The following DDX50 variants were observed in gnomAD, a reference collection of about 807,000 sequenced individuals.
DDX50 encodes the protein ATP-dependent RNA helicase DDX50.
A neutral mutation model predicts 94.8 loss-of-function variants in DDX50; 56 were observed. The observed-to-expected ratio is 0.59, with a 90% CI of 0.48 to 0.74. DDX50 has a LOEUF of 0.74. Ranked by LOEUF, DDX50 falls within the 30% of genes least tolerant of loss-of-function variation. The probability of loss-of-function intolerance (pLI) is 0.00; values close to 1 mark genes in which losing one functional copy is unlikely to be tolerated. For missense variants in DDX50, 713 were observed against 881.2 expected (o/e 0.81, Z 2.42); for synonymous variants, 264 against 295.4 (o/e 0.89, Z 1.09).
chr10:68,931,118 T>A (rs1842251274), intron 8 of DDX50, among the ~76,000 whole-genome samples: 1 of 152,094 alleles, frequency 6.6e-6, no homozygotes, highest in South Asian at 2.1e-4. Flanking sequence ...ATTACATTCA[T>A]TGTCTAAATT....
chr10:68,941,267 G>C, intron 13 of DDX50, 73 bp downstream of exon 13: 1 of 1,569,416 alleles, frequency 6.4e-7, no homozygotes, highest in Non-Finnish European at 8.6e-7. Context: ...AGCAAATTTT[G>C]TTCTTTCTCT....
chr10:68,943,787 G>A (rs1842604073), intron 14 of DDX50, among the ~76,000 whole-genome samples: 2 of 151,644 alleles, frequency 1.3e-5, no homozygotes, highest in South Asian at 4.2e-4. Context: ...CTGTAGCACA[G>A]GTTGGTCTTG....
chr10:68,913,986 T>G, intron 6 of DDX50, 73 bp from the exon 7 acceptor site: 1 of 1,336,654 alleles, frequency 7.5e-7, no homozygotes, highest in Non-Finnish European at 1.0e-6. Flanking sequence ...TTTTGAAGCT[T>G]GGGAGGATTT....
At chr10:68,901,602 C>T (rs1223551084) in intron 1 of DDX50, 131 bp downstream of exon 1, 25 of 987,120 alleles carry the variant, frequency 2.5e-5, no homozygotes, top group Non-Finnish European at 3.7e-5. Context: ...GCGCCGCCCT[C>T]GGCCCTCTGG....
intron 2 of DDX50, among the ~76,000 whole-genome samples, chr10:68,908,637 C>CTTTTTTTT (rs1157178909): frequency 2.1e-5 from 2 of 95,732 alleles, no homozygotes; most frequent in Non-Finnish European, 4.1e-5. Context: ...TTAAAATTTC[C>CTTTTTTTT]TTTTTTTTTT....
chr10:68,944,798 G>A (rs922936581), intron 14 of DDX50, among the ~76,000 whole-genome samples: 1 of 152,096 alleles, frequency 6.6e-6, no homozygotes, highest in Non-Finnish European at 1.5e-5. Context: ...GCCCGCCTCG[G>A]CCTCCCAAAG....
At chr10:68,903,977 GAAA>G (rs755101958) in intron 1 of DDX50, among the ~76,000 whole-genome samples, 1 of 84,576 alleles carries the variant, frequency 1.2e-5, no homozygotes, top group Non-Finnish European at 2.3e-5. Context: ...CTCCGTCTCA[GAAA>G]AAAAAAAAAA....
At position 68,946,515 on chromosome 10, in the gene DDX50, G is replaced by A. The variant is rs192883627; in HGVS notation, c.2099G>A (p.Arg700Gln). The A allele has an allele frequency of 3.1e-6, 5 of 1,614,202 alleles. No individual in the cohort carries two copies. In the African/African-American group the frequency reaches 5.3e-5, roughly 17 times the overall value. ...SGRSGGRSGG[R>Q]SGRQSRQGSR... Reference sequence around the variant, plus strand: ...CGGTCAGGTGGTCGATCTGGCGGCCGGTCAGGTAGACAGAGTCGACAAGGA... The same window carrying A: ...CGGTCAGGTGGTCGATCTGGCGGCCAGTCAGGTAGACAGAGTCGACAAGGA... Residue 700 changes from arginine (R) to glutamine (Q), a missense_variant, in exon 15 of 15, where the codon CGG (arginine) becomes CAG (glutamine). This residue lies in a region of DDX50 where 428 missense variants were observed against 602.3 expected (regional missense o/e 0.71). Transcript: ENST00000373585.
intron 8 of DDX50, among the ~76,000 whole-genome samples, chr10:68,925,270 AT>A (rs78283932): frequency 1.1e-3 from 154 of 145,234 alleles, no homozygotes; most frequent in Admixed American, 1.4e-3. Context: ...TGCCCAACTA[AT>A]TTTTTTTTTT....
At chr10:68,940,881 C>G (rs954287649) in intron 12 of DDX50, among the ~76,000 whole-genome samples, 179 bp from the exon 13 acceptor site, 7 of 152,106 alleles carry the variant, frequency 4.6e-5, no homozygotes, top group Non-Finnish European at 1.0e-4. Context: ...ATAGTACTTT[C>G]AATTATCTAT....
intron 8 of DDX50, among the ~76,000 whole-genome samples, chr10:68,925,171 T>C (rs1253380856): frequency 6.8e-6 from 1 of 146,034 alleles, no homozygotes; most frequent in Admixed American, 7.1e-5. Flanking sequence ...TGGTGCGATC[T>C]TGGCTCACCA....
At chr10:68,926,014 CAA>C (rs138926781) in intron 8 of DDX50, among the ~76,000 whole-genome samples, 5 of 118,164 alleles carry the variant, frequency 4.2e-5, no homozygotes, top group African/African-American at 3.3e-5. Flanking sequence ...ACTCTGTCTC[CAA>C]AAAAAAAAAA....
intron 4 of DDX50, chr10:68,911,675 A>T (rs1188706520): frequency 6.6e-6 from 1 of 152,434 alleles, no homozygotes; most frequent in African/African-American, 2.4e-5. Context: ...TACGTCATGA[A>T]TTTTCATGTC....
intron 7 of DDX50, among the ~76,000 whole-genome samples, chr10:68,917,187 C>CAGATTAT (rs1841820334): frequency 6.6e-6 from 1 of 151,944 alleles, no homozygotes; most frequent in East Asian, 1.9e-4. Context: ...TGGCCAGGCG[C>CAGATTAT]AGTGGCTCAC....
chr10:68,919,993 T>C lies in DDX50; in HGVS notation c.1239+12T>C, dbSNP rs1179525943. The C allele has an allele frequency of 6.2e-7, 1 of 1,613,022 alleles. No homozygotes were observed. Among genetic ancestry groups the C allele is most frequent in the Non-Finnish European group, 8.5e-7 (1 of 1,179,728 alleles). ...CACACATAAAACAGGTAAGTCTTTT[T>C]TTCATGCTTTCTCTAATTGAAATTA... On this transcript the variant is annotated intron_variant, in intron 8 of 14. Coordinates refer to ENST00000373585, the MANE Select transcript of DDX50 (RefSeq NM_024045.2).
intron 8 of DDX50, among the ~76,000 whole-genome samples, chr10:68,925,095 G>GTT (rs1239190321): frequency 0.042 from 1,203 of 28,418 alleles, 41 homozygotes; most frequent in Middle Eastern, 0.12. Context: ...CCTGCTCATG[G>GTT]TTTTTTTTTT....
At position 68,910,401 on chromosome 10, in the gene DDX50, G is replaced by T. The variant is rs780421609; in HGVS notation, c.460+19G>T. On this transcript the variant is annotated intron_variant, in intron 3 of 14. Transcript: ENST00000373585. ...CTGAAAGGTATGCAGTTTGGTTGTT[G>T]TTGTTATTGTTGTTGTTTTGAGACA... The T allele has an allele frequency of 6.3e-7, 1 of 1,576,148 alleles. No individual in the cohort carries two copies. Among genetic ancestry groups the T allele is most frequent in the Non-Finnish European group, 8.6e-7 (1 of 1,162,502 alleles).
intron 8 of DDX50, among the ~76,000 whole-genome samples, chr10:68,931,646 A>G (rs1247060256): frequency 1.3e-5 from 2 of 151,100 alleles, no homozygotes; most frequent in Non-Finnish European, 3.0e-5. Context: ...GTTGGTCTCG[A>G]ACTCCTGACC....
At chr10:68,936,141 T>G (rs1462099363) in intron 11 of DDX50, 62 bp downstream of exon 11, 1 of 1,356,994 alleles carries the variant, frequency 7.4e-7, no homozygotes, top group Non-Finnish European at 1.0e-6. Context: ...ATCTGTAAGC[T>G]CTCCCAGTTC....
Sources: allele counts gnomAD v4.1 joint callset (sites outside exome capture counted in the v4.1 genomes callset), GRCh38; gene constraint gnomAD v4.1.1; regional missense constraint gnomAD v4.1.1; transcripts MANE v1.5; gene names NCBI Gene and HGNC (gene_info 2026-07-23, HGNC 2026-07-21).